Variants in SORCS3 observed in about 807,000 individuals in gnomAD.
SORCS3 encodes the protein VPS10 domain-containing receptor SorCS3.
A neutral mutation model predicts 146.3 loss-of-function variants in SORCS3; 57 were observed. That is an observed-to-expected ratio of 0.39 (90% CI 0.31 to 0.49). SORCS3 has a LOEUF of 0.49. Ranked by LOEUF, SORCS3 falls within the 20% of genes least tolerant of loss-of-function variation. SORCS3 has a pLI of 0.92. For synonymous variants in SORCS3, 653 were observed against 618.5 expected, an observed-to-expected ratio of 1.06 and a Z score of -0.83; for missense variants, 1,341 against 1,575.5, an observed-to-expected ratio of 0.85 and a Z score of 2.52.
At chr10:105,071,749 C>A (rs996563049) in intron 5 of SORCS3, among the ~76,000 whole-genome samples, 1 of 152,136 alleles carries the variant, frequency 6.6e-6, no homozygotes, top group Non-Finnish European at 1.5e-5. Context: ...GTTGTGCTAT[C>A]AAATAGTAGG....
rs569066629 is a variant in SORCS3, at chr10:105,142,598, C to G, written c.1302+3112C>G. Among the ~76,000 whole-genome samples the G allele has an allele frequency of 2.9e-3, 438 of 152,256 alleles. 2 individuals are homozygous for G. Among genetic ancestry groups the G allele is most frequent in the Middle Eastern group, 0.02 (6 of 294 alleles). Reference sequence around the variant, plus strand: ...AAGCATGGCAATGAGGAACAGCCCCCCTTAACAGCCCTTCTGAGAATCAGC... The same window carrying G: ...AAGCATGGCAATGAGGAACAGCCCCGCTTAACAGCCCTTCTGAGAATCAGC... On this transcript the variant is annotated intron_variant, in intron 8 of 26. Transcript: ENST00000369701.
At chr10:105,253,818 G>A (rs1313954164) in intron 23 of SORCS3, among the ~76,000 whole-genome samples, 1 of 152,204 alleles carries the variant, frequency 6.6e-6, no homozygotes, top group Non-Finnish European at 1.5e-5. Context: ...ATAATTTCTT[G>A]CATTGCAGGG....
intron 4 of SORCS3, among the ~76,000 whole-genome samples, chr10:105,019,141 C>A (rs1168052792): frequency 6.6e-6 from 1 of 152,168 alleles, no homozygotes; most frequent in Admixed American, 6.5e-5. Context: ...TCCATTTAAG[C>A]TTCTTTATGT....
At chr10:104,868,871 TTTGTGTAAG>T (rs2018487721) in intron 2 of SORCS3, among the ~76,000 whole-genome samples, 2 of 152,222 alleles carry the variant, frequency 1.3e-5, no homozygotes, top group Admixed American at 1.3e-4. Flanking sequence ...CATCTTTTGC[TTTGTGTAAG>T]TTGTTGATTA....
intron 19 of SORCS3, among the ~76,000 whole-genome samples, chr10:105,222,314 T>C (rs868126856): frequency 6.6e-6 from 1 of 152,052 alleles, no homozygotes; most frequent in South Asian, 2.1e-4. Flanking sequence ...CACCTCAGCC[T>C]CCCAAAGTGC....
chr10:104,993,489 G>A (rs2055006437), intron 4 of SORCS3, among the ~76,000 whole-genome samples: 3 of 152,162 alleles, frequency 2.0e-5, no homozygotes, highest in Admixed American at 2.0e-4. Flanking sequence ...TTTCTAATAG[G>A]CAGCTAGGGA....
chr10:104,728,021 T>TTCTATCTG (rs1405160751), intron 1 of SORCS3, among the ~76,000 whole-genome samples: 135 of 146,708 alleles, frequency 9.2e-4, no homozygotes, highest in African/African-American at 3.3e-3. Context: ...TATATAACAG[T>TTCTATCTG]TCTATCTATC....
At chr10:104,873,998 T>C (rs780836320) in intron 2 of SORCS3, among the ~76,000 whole-genome samples, 7 of 152,356 alleles carry the variant, frequency 4.6e-5, no homozygotes, top group Non-Finnish European at 8.8e-5. Flanking sequence ...TTTCAGGTTA[T>C]TATTGTAATA....
chr10:104,868,776 T>C (rs900817886), intron 2 of SORCS3, among the ~76,000 whole-genome samples: 4 of 152,230 alleles, frequency 2.6e-5, no homozygotes, highest in Non-Finnish European at 4.4e-5. Flanking sequence ...TACCATTTTG[T>C]CTAGCAACAT....
chr10:105,115,445 A>T (rs1460155787), intron 7 of SORCS3, among the ~76,000 whole-genome samples: 1 of 152,208 alleles, frequency 6.6e-6, no homozygotes, highest in Non-Finnish European at 1.5e-5. Flanking sequence ...CACATAAAAG[A>T]TTACTAGATC....
intron 5 of SORCS3, among the ~76,000 whole-genome samples, chr10:105,052,653 T>G (rs2055421259): frequency 6.6e-6 from 1 of 151,910 alleles, no homozygotes; most frequent in Non-Finnish European, 1.5e-5. Context: ...CATTAAAAAA[T>G]GGGGAGAGTT....
chr10:104,941,557 C>G (rs557666508), intron 3 of SORCS3, among the ~76,000 whole-genome samples: 1 of 152,184 alleles, frequency 6.6e-6, no homozygotes, highest in African/African-American at 2.4e-5. Flanking sequence ...AGCTTTGTTC[C>G]CAGTTTATAC....
chr10:104,798,584 A>G (rs2017585538), intron 1 of SORCS3, among the ~76,000 whole-genome samples: 1 of 152,230 alleles, frequency 6.6e-6, no homozygotes, highest in African/African-American at 2.4e-5. Context: ...TGGGAATGCA[A>G]AATGGCATAG....
chr10:104,663,707 C>G (rs1330878397), intron 1 of SORCS3, among the ~76,000 whole-genome samples: 2 of 152,210 alleles, frequency 1.3e-5, no homozygotes, highest in African/African-American at 4.8e-5. Context: ...CAATTAGCCT[C>G]TTGCTCTCTG....
At chr10:105,034,608 T>C (rs573963377) in intron 4 of SORCS3, among the ~76,000 whole-genome samples, 4 of 152,176 alleles carry the variant, frequency 2.6e-5, no homozygotes, top group Non-Finnish European at 5.9e-5. Context: ...AAATGGATTT[T>C]GAGGTGCATA....
intron 3 of SORCS3, among the ~76,000 whole-genome samples, chr10:104,957,056 T>C (rs2019501147): frequency 6.6e-6 from 1 of 152,166 alleles, no homozygotes; most frequent in Non-Finnish European, 1.5e-5. Flanking sequence ...GCTGGGTGCA[T>C]GGACATTCAT....
At chr10:105,183,927 G>T (rs1290840031) in intron 14 of SORCS3, among the ~76,000 whole-genome samples, 2 of 152,198 alleles carry the variant, frequency 1.3e-5, no homozygotes, top group African/African-American at 4.8e-5. Context: ...ACTTTCCAGG[G>T]AAAATGCTCA....
intron 10 of SORCS3, among the ~76,000 whole-genome samples, chr10:105,158,030 G>A (rs1339593551): frequency 6.6e-6 from 1 of 152,026 alleles, no homozygotes; most frequent in Admixed American, 6.5e-5. Context: ...GACTACAATG[G>A]TAAATACAGC....
chr10:104,691,644 C>T (rs182482671), intron 1 of SORCS3, among the ~76,000 whole-genome samples: 167 of 152,288 alleles, frequency 1.1e-3, no homozygotes, highest in African/African-American at 2.8e-3. Flanking sequence ...AATTGGCTGC[C>T]CTGTCCCTCC....
Sources: gnomAD v4.1 joint callset for allele counts (sites outside exome capture counted in the v4.1 genomes callset) on GRCh38, gnomAD v4.1.1 for gene constraint, MANE v1.5 for transcripts, NCBI Gene and HGNC (gene_info 2026-07-23, HGNC 2026-07-21) for gene names.